The following LINGO2 variants were observed in gnomAD, a reference collection of about 807,000 sequenced individuals.
The protein encoded by LINGO2 is leucine-rich repeat and immunoglobulin-like domain-containing nogo receptor-interacting protein 2.
In LINGO2, 14 loss-of-function variants were observed where a neutral mutation model predicts 30.6. That is an observed-to-expected ratio of 0.46 (90% CI 0.30 to 0.72). The LOEUF is 0.72. Ranked by LOEUF, LINGO2 falls within the 30% of genes least tolerant of loss-of-function variation. The probability of loss-of-function intolerance (pLI) is 0.07; values close to 1 mark genes in which losing one functional copy is unlikely to be tolerated. For synonymous variants in LINGO2, 317 were observed against 288.5 expected (o/e 1.10, Z -1.00); for missense variants, 729 against 751.7 (o/e 0.97, Z 0.35).
intron 1 of LINGO2, among the ~76,000 whole-genome samples, chr9:28,568,982 G>T (rs886409570): frequency 6.8e-6 from 1 of 146,854 alleles, no homozygotes; most frequent in Non-Finnish European, 1.5e-5. Flanking sequence ...GCAAAGGACT[G>T]TAATAGAAAT....
intron 1 of LINGO2, among the ~76,000 whole-genome samples, chr9:28,559,638 C>G (rs925999185): frequency 6.6e-6 from 1 of 152,076 alleles, no homozygotes; most frequent in African/African-American, 2.4e-5. Flanking sequence ...ACCCATGTAA[C>G]TTACATAAGA....
chr9:29,029,510 C>T, the LINGO2 span, among the ~76,000 whole-genome samples: 1 of 152,016 alleles, frequency 6.6e-6, no homozygotes. Context: ...ATAAAATTCA[C>T]TATGTAATCC....
chr9:28,667,876 G>A (rs995690294), intron 1 of LINGO2, among the ~76,000 whole-genome samples: 1 of 152,160 alleles, frequency 6.6e-6, no homozygotes, highest in African/African-American at 2.4e-5. Context: ...TTTTGGGCAT[G>A]TTCTTCTATA....
In LINGO2 at chr9:28,003,368, TAG is replaced by T. The variant is rs201542729; in HGVS notation, c.-36+8985_-36+8986del. Among the ~76,000 whole-genome samples, 1,166 of 146,252 alleles carry T rather than the reference TAG, an allele frequency of 8.0e-3. 47 individuals are homozygous for T. In the East Asian group the frequency reaches 0.12, roughly 15 times the overall value. ...ATAGATAGATAGATAGATAGATAGA[TAG>T]ATAGATAGATAGATATAGAGAGAGA... On this transcript the variant is annotated intron_variant, in intron 5 of 5. Coordinates refer to ENST00000379992, the Ensembl canonical transcript of LINGO2.
At chr9:28,722,107 T>C in the LINGO2 span, among the ~76,000 whole-genome samples, 1 of 152,170 alleles carries the variant, frequency 6.6e-6, no homozygotes, top group African/African-American at 2.4e-5. Flanking sequence ...ACAAGATACA[T>C]TTTCTGCCTT....
intron 4 of LINGO2, among the ~76,000 whole-genome samples, chr9:28,066,792 G>C (rs1156887630): frequency 1.3e-5 from 2 of 151,994 alleles, no homozygotes; most frequent in Non-Finnish European, 2.9e-5. Flanking sequence ...AGACAGTCTA[G>C]GCTGTCAATA....
intron 1 of LINGO2, among the ~76,000 whole-genome samples, chr9:28,642,874 G>A (rs932524303): frequency 6.6e-6 from 1 of 152,000 alleles, no homozygotes; most frequent in African/African-American, 2.4e-5. Flanking sequence ...GTTTCTTGAC[G>A]TGTTTTCCCT....
At chr9:28,689,989 C>T in the LINGO2 span, among the ~76,000 whole-genome samples, 3 of 152,104 alleles carry the variant, frequency 2.0e-5, no homozygotes, top group East Asian at 3.9e-4. Context: ...CCAAACACCG[C>T]ATGTTCTCAC....
Position 28,482,224 on chromosome 9 carries a change from G to C in LINGO2, c.-364-6199C>G, listed in dbSNP as rs529504149. Among the ~76,000 whole-genome samples the C allele has an allele frequency of 3.1e-3, 473 of 151,898 alleles. 1 individual carries two copies. Among genetic ancestry groups the C allele is most frequent in the Non-Finnish European group, 5.7e-3 (384 of 67,886 alleles). ...ACTGACTTCCACAATGGTTGAACTA[G>C]TTTACAGTCCCACCAACAGTGTAAA... is the stretch of plus-strand genomic sequence containing the variant. On this transcript the variant is annotated intron_variant, in intron 1 of 5. Coordinates refer to ENST00000379992, the Ensembl canonical transcript of LINGO2.
At chr9:28,959,576 T>A in the LINGO2 span, among the ~76,000 whole-genome samples, 1 of 143,876 alleles carries the variant, frequency 7.0e-6, no homozygotes, top group South Asian at 2.2e-4. Context: ...AGTTCCTTTC[T>A]CTTTTCTTTT....
At chr9:28,418,827 A>C (rs2134865262) in intron 2 of LINGO2, among the ~76,000 whole-genome samples, 1 of 152,112 alleles carries the variant, frequency 6.6e-6, no homozygotes, top group Non-Finnish European at 1.5e-5. Flanking sequence ...CATTTAACAT[A>C]ATCTTTAATA....
the LINGO2 span, among the ~76,000 whole-genome samples, chr9:28,929,435 G>C: frequency 6.6e-6 from 1 of 152,258 alleles, no homozygotes; most frequent in African/African-American, 2.4e-5. Context: ...GCTGAGGAGA[G>C]AGGGTTGGGA....
chr9:28,796,492 G>A, the LINGO2 span, among the ~76,000 whole-genome samples: 4 of 151,970 alleles, frequency 2.6e-5, no homozygotes, highest in Non-Finnish European at 5.9e-5. Context: ...ATAAATGAGT[G>A]CTTAATGAAT....
chr9:28,282,214 C>T (rs1286843934), intron 4 of LINGO2, among the ~76,000 whole-genome samples: 1 of 152,070 alleles, frequency 6.6e-6, no homozygotes, highest in Non-Finnish European at 1.5e-5. Flanking sequence ...ATATTAAATG[C>T]ATCATGTTGA....
At chr9:29,045,822 G>A in the LINGO2 span, among the ~76,000 whole-genome samples, 1 of 152,060 alleles carries the variant, frequency 6.6e-6, no homozygotes, top group East Asian at 1.9e-4. Context: ...ATTTACTTGA[G>A]CATTGTTTTT....
At chr9:28,773,825 G>A in the LINGO2 span, among the ~76,000 whole-genome samples, 1 of 152,136 alleles carries the variant, frequency 6.6e-6, no homozygotes, top group East Asian at 1.9e-4. Context: ...CTTTAAATGT[G>A]GATGTTTTTC....
chr9:28,433,949 C>CTCTCTCTCTCTATATATATA (rs1225323260), intron 2 of LINGO2, among the ~76,000 whole-genome samples: 19 of 88,540 alleles, frequency 2.1e-4, no homozygotes, highest in African/African-American at 8.5e-4. Flanking sequence ...CTCTCTCTCT[C>CTCTCTCTCTCTATATATATA]TATATATATA....
At chr9:28,177,450 C>CATAG (rs1207682810) in intron 4 of LINGO2, among the ~76,000 whole-genome samples, 2 of 152,120 alleles carry the variant, frequency 1.3e-5, no homozygotes, top group African/African-American at 4.8e-5. Context: ...CTTCTGAGTT[C>CATAG]ATAGATACAT....
At chr9:27,980,193 T>G (rs890915878) in intron 5 of LINGO2, among the ~76,000 whole-genome samples, 1 of 151,954 alleles carries the variant, frequency 6.6e-6, no homozygotes, top group Non-Finnish European at 1.5e-5. Flanking sequence ...ATGAAGCCAG[T>G]CTTAAACACA....
Sources: allele counts gnomAD v4.1 joint callset (sites outside exome capture counted in the v4.1 genomes callset), GRCh38; gene constraint gnomAD v4.1.1; transcripts MANE v1.5; gene names NCBI Gene and HGNC (gene_info 2026-07-23, HGNC 2026-07-21).